Variants in SPATS2 observed in about 807,000 individuals in gnomAD.
SPATS2 encodes the protein spermatogenesis associated serine rich 2, also known as spermatogenesis-associated serine-rich protein 2.
SPATS2 carries 38 observed loss-of-function variants against 63.7 expected under a neutral mutation model. That is an observed-to-expected ratio of 0.60 (90% CI 0.46 to 0.78). The LOEUF (loss-of-function observed/expected upper bound fraction) is 0.78, where lower values mean the gene tolerates loss of function less well. Among genes scored for constraint, SPATS2 ranks in the 30% least tolerant of loss-of-function variants. The probability of loss-of-function intolerance (pLI) is 0.00; values close to 1 mark genes in which losing one functional copy is unlikely to be tolerated. For missense variants in SPATS2, 588 were observed against 666.2 expected, an observed-to-expected ratio of 0.88 and a Z score of 1.29; for synonymous variants, 207 against 232.9, an observed-to-expected ratio of 0.89 and a Z score of 1.01.
intron 4 of SPATS2, among the ~76,000 whole-genome samples, chr12:49,485,951 G>T (rs1946285102): frequency 6.7e-6 from 1 of 150,360 alleles, no homozygotes; most frequent in Non-Finnish European, 1.5e-5. Context: ...GTAGAGACAG[G>T]TTTTGTCATG....
At chr12:49,427,204 A>C (rs924650434) in intron 2 of SPATS2, among the ~76,000 whole-genome samples, 6 of 152,216 alleles carry the variant, frequency 3.9e-5, no homozygotes, top group Admixed American at 1.3e-4. Context: ...CAGCCTCCCA[A>C]AGTAAACTTT....
At chr12:49,476,568 A>T (rs982279089) in intron 3 of SPATS2, among the ~76,000 whole-genome samples, 1 of 152,056 alleles carries the variant, frequency 6.6e-6, no homozygotes, top group Non-Finnish European at 1.5e-5. Flanking sequence ...ATCCTGTAAC[A>T]CACACCCACT....
intron 6 of SPATS2, among the ~76,000 whole-genome samples, chr12:49,493,527 G>A (rs1207869975): frequency 6.6e-6 from 1 of 151,802 alleles, no homozygotes; most frequent in African/African-American, 2.4e-5. Context: ...TCAGCCTCCC[G>A]AGTAGGTGGG....
At chr12:49,392,584 G>T (rs1944436777) in intron 2 of SPATS2, among the ~76,000 whole-genome samples, 1 of 151,656 alleles carries the variant, frequency 6.6e-6, no homozygotes, top group South Asian at 2.1e-4. Flanking sequence ...GTGGTGGCAG[G>T]TGCCTGTAGT....
chr12:49,517,070 A>T (rs1003009328), intron 10 of SPATS2, among the ~76,000 whole-genome samples: 2 of 152,180 alleles, frequency 1.3e-5, no homozygotes, highest in Non-Finnish European at 1.5e-5. Context: ...GTTATCTGTT[A>T]CGTGTAGAAA....
chr12:49,465,770 CCT>C (rs1361672424), intron 3 of SPATS2, among the ~76,000 whole-genome samples: 1 of 152,110 alleles, frequency 6.6e-6, no homozygotes, highest in Non-Finnish European at 1.5e-5. Flanking sequence ...CTGGCGAAAC[CCT>C]GTCTCTACTA....
chr12:49,481,458 ATTTTTTTTTT>A (rs1013711085), intron 3 of SPATS2, among the ~76,000 whole-genome samples: 1 of 97,798 alleles, frequency 1.0e-5, no homozygotes, highest in Non-Finnish European at 1.9e-5. Context: ...AGGCTTCCTC[ATTTTTTTTTT>A]TTTTTTTTTT....
intron 2 of SPATS2, among the ~76,000 whole-genome samples, chr12:49,417,917 G>T (rs1313430615): frequency 6.6e-6 from 1 of 152,178 alleles, no homozygotes; most frequent in Non-Finnish European, 1.5e-5. Flanking sequence ...GTCTTGTTCT[G>T]TTGCCCAGGC....
At chr12:49,451,277 T>C (rs2137614088) in intron 2 of SPATS2, among the ~76,000 whole-genome samples, 1 of 152,304 alleles carries the variant, frequency 6.6e-6, no homozygotes, top group Non-Finnish European at 1.5e-5. Flanking sequence ...GATTATTTTA[T>C]TGCTTTTGTC....
rs748584367 is a variant in SPATS2 at position 49,484,676 on chromosome 12, C to G, written c.105+7C>G. ...TGAGAACATGAAAGAGAAGGTAAGA[C>G]TAGTCACTATGGATAGTAAACTTAA... On this transcript the variant is annotated splice_region_variant and intron_variant, in intron 4 of 13. Coordinates refer to ENST00000552918, the MANE Select transcript of SPATS2 (RefSeq NM_023071.4). 1.9e-6 allele frequency: 3 copies of G among 1,613,438 alleles called. No homozygotes were observed. The Admixed American group carries it at 5.0e-5, about 27-fold the overall frequency.
chr12:49,514,260 C>G (rs1946802983), intron 9 of SPATS2, among the ~76,000 whole-genome samples: 2 of 152,086 alleles, frequency 1.3e-5, no homozygotes, highest in Admixed American at 6.6e-5. Context: ...TTGTAGCTTG[C>G]TACTGCCATC....
At chr12:49,519,214 C>G in intron 11 of SPATS2, 32 bp downstream of exon 11, 2 of 1,565,638 alleles carry the variant, frequency 1.3e-6, no homozygotes, top group Non-Finnish European at 1.8e-6. Context: ...TGCCTTTCTT[C>G]TTATCCTCAG....
chr12:49,503,002 G>A, intron 9 of SPATS2, among the ~76,000 whole-genome samples: 1 of 152,198 alleles, frequency 6.6e-6, no homozygotes, highest in East Asian at 1.9e-4. Flanking sequence ...CTAGGAGGAA[G>A]CACCATGCCC....
chr12:49,481,716 G>C (rs1946209914), intron 3 of SPATS2, among the ~76,000 whole-genome samples: 1 of 152,028 alleles, frequency 6.6e-6, no homozygotes, highest in South Asian at 2.1e-4. Context: ...GCCCGCCTCA[G>C]CCTCCCAAAG....
chr12:49,394,009 G>A (rs1457265462), intron 2 of SPATS2, among the ~76,000 whole-genome samples: 1 of 152,026 alleles, frequency 6.6e-6, no homozygotes, highest in Non-Finnish European at 1.5e-5. Context: ...TTTCAAAGTC[G>A]TTTTTACTAT....
At chr12:49,416,177 G>A (rs1269629492) in intron 2 of SPATS2, among the ~76,000 whole-genome samples, 1 of 152,128 alleles carries the variant, frequency 6.6e-6, no homozygotes, top group East Asian at 1.9e-4. Context: ...GGCTTGGCTA[G>A]GCAGATCTTT....
intron 2 of SPATS2, among the ~76,000 whole-genome samples, chr12:49,401,248 T>C (rs1944600386): frequency 6.6e-6 from 1 of 152,286 alleles, no homozygotes; most frequent in Admixed American, 6.5e-5. Flanking sequence ...TGGGCTCATA[T>C]GATCCTTCTG....
chr12:49,517,357 A>G (rs1264247112), intron 10 of SPATS2, among the ~76,000 whole-genome samples: 1 of 152,170 alleles, frequency 6.6e-6, no homozygotes, highest in Non-Finnish European at 1.5e-5. Flanking sequence ...GGCTGAGTAA[A>G]CTTGCTAAAT....
chr12:49,450,906 T>C (rs1382404982), intron 2 of SPATS2, among the ~76,000 whole-genome samples: 1 of 151,898 alleles, frequency 6.6e-6, no homozygotes, highest in Non-Finnish European at 1.5e-5. Flanking sequence ...TCTCACTCTG[T>C]TGCTCAGGCT....
Sources: allele counts gnomAD v4.1 joint callset (sites outside exome capture counted in the v4.1 genomes callset), GRCh38; gene constraint gnomAD v4.1.1; transcripts MANE v1.5; gene names NCBI Gene and HGNC (gene_info 2026-07-23, HGNC 2026-07-21).